The following MON2 variants were observed in gnomAD, a reference collection of about 807,000 sequenced individuals.
MON2 encodes MON2 regulator of endosome-to-Golgi trafficking.
MON2 carries 84 observed loss-of-function variants against 208.6 expected under a neutral mutation model. The observed-to-expected ratio is 0.40, with a 90% CI of 0.34 to 0.48. The LOEUF (loss-of-function observed/expected upper bound fraction) is 0.48. Among genes scored for constraint, MON2 ranks in the 20% least tolerant of loss-of-function variants. The pLI is 0.59. For synonymous variants in MON2, 660 were observed against 694.0 expected (o/e 0.95, Z 0.77); for missense variants, 1,611 against 2,015.4 (o/e 0.80, Z 3.84).
intron 8 of MON2, among the ~76,000 whole-genome samples, chr12:62,510,671 C>T (rs1027017744): frequency 6.6e-6 from 1 of 152,076 alleles, no homozygotes; most frequent in African/African-American, 2.4e-5. Context: ...GAGACAATAA[C>T]TAATAACTAA....
chr12:62,532,118 TC>T (rs1337779234), intron 11 of MON2, among the ~76,000 whole-genome samples: 10 of 152,186 alleles, frequency 6.6e-5, no homozygotes, highest in Admixed American at 5.2e-4. Flanking sequence ...AAGTTTTATC[TC>T]ATTGTATTTT....
At chr12:62,591,895 T>C (rs1351769496) in intron 34 of MON2, among the ~76,000 whole-genome samples, 2 of 152,222 alleles carry the variant, frequency 1.3e-5, no homozygotes, top group African/African-American at 2.4e-5. Flanking sequence ...AAAAAAATCT[T>C]GCATATTGGG....
At chr12:62,544,432 TGAGA>T (rs1292286906) in intron 20 of MON2, among the ~76,000 whole-genome samples, 1 of 152,060 alleles carries the variant, frequency 6.6e-6, no homozygotes, top group East Asian at 1.9e-4. Flanking sequence ...AGTAACAAAG[TGAGA>T]GACTGTGTCT....
At chr12:62,547,383 A>G (rs1191933813) in intron 22 of MON2, among the ~76,000 whole-genome samples, 4 of 152,194 alleles carry the variant, frequency 2.6e-5, no homozygotes, top group Non-Finnish European at 5.9e-5. Context: ...ACTTGAAACA[A>G]TTAACAAATT....
chr12:62,470,761 G>C, intron 1 of MON2: 2 of 1,106,022 alleles, frequency 1.8e-6, no homozygotes, highest in Non-Finnish European at 2.2e-6. Flanking sequence ...ATTCCTAGCA[G>C]AGGAAATAGC....
Position 62,587,069 on chromosome 12 carries a change from C to T in MON2, c.4908-1005C>T, listed in dbSNP as rs147729021. Among the ~76,000 whole-genome samples, 56 of 152,154 alleles carry T rather than the reference C, an allele frequency of 3.7e-4. No homozygotes were observed. In the East Asian group the frequency reaches 9.7e-3, roughly 26 times the overall value. ...TCTGCAGAATAACACAAATGCACAC[C>T]AGGAATGGGGAGGGATGAGGGCGGA... On this transcript the variant is annotated intron_variant, in intron 33 of 34. Transcript: ENST00000393630.
chr12:62,588,966 G>T (rs2075306970), intron 34 of MON2: 1 of 1,163,174 alleles, frequency 8.6e-7, no homozygotes, highest in Non-Finnish European at 1.2e-6. Flanking sequence ...ATGTGTACTT[G>T]TCTCGAAGCA....
Position 62,467,029 on chromosome 12 carries a change from T to C in MON2, c.-179T>C. 2 of 461,126 alleles carry C rather than the reference T, an allele frequency of 4.3e-6. No individual in the cohort carries two copies. Among genetic ancestry groups the C allele is most frequent in the Non-Finnish European group, 3.8e-6 (1 of 265,072 alleles). The allele number at this position is 461,126 out of a possible 1,614,324, so 28.6% of individuals were successfully genotyped here. Reference sequence around the variant, plus strand: ...GGGCGCCTCCGAGAAAAGCCAGAGGTGTTGCGGGGAAGCTGCTGGGGGACG... The same window carrying C: ...GGGCGCCTCCGAGAAAAGCCAGAGGCGTTGCGGGGAAGCTGCTGGGGGACG... On this transcript the variant is annotated 5_prime_UTR_variant, in exon 1 of 35. Transcript: ENST00000393630.
chr12:62,523,209 A>G (rs376085118), intron 8 of MON2, among the ~76,000 whole-genome samples: 1 of 152,206 alleles, frequency 6.6e-6, no homozygotes, highest in East Asian at 1.9e-4. Flanking sequence ...TTCTTCCTCT[A>G]AAGAGGTGTC....
chr12:62,500,336 G>T (rs1382620610), intron 5 of MON2, among the ~76,000 whole-genome samples: 3 of 152,184 alleles, frequency 2.0e-5, no homozygotes. Flanking sequence ...TAGCTGGTGA[G>T]TATCTGTAAC....
chr12:62,588,741 C>G, intron 34 of MON2: 1 of 560,158 alleles, frequency 1.8e-6, no homozygotes, highest in Non-Finnish European at 3.0e-6. Flanking sequence ...CAGTCTGACT[C>G]CATTCTAGTC....
intron 9 of MON2, 31 bp downstream of exon 9, chr12:62,524,670 A>T (rs1474272922): frequency 6.2e-7 from 1 of 1,604,188 alleles, no homozygotes; most frequent in South Asian, 1.1e-5. Flanking sequence ...TGTTAAATAG[A>T]TAGGTTAATG....
intron 11 of MON2, among the ~76,000 whole-genome samples, chr12:62,529,983 T>A (rs918016759): frequency 2.4e-4 from 36 of 152,340 alleles, no homozygotes; most frequent in African/African-American, 8.4e-4. Flanking sequence ...CTTTTCTTTA[T>A]GGTGGGAACA....
Position 62,570,869 on chromosome 12 carries a change from C to G in MON2, c.4324-523C>G, listed in dbSNP as rs536220253. Among the ~76,000 whole-genome samples the G allele has an allele frequency of 2.1e-4, 31 of 150,892 alleles. No homozygotes were observed. In the East Asian group the frequency reaches 5.3e-3, roughly 26 times the overall value. ...GCCTCAGCCTCCTGAGTAGCTGGGA[C>G]TATAGGCACGTGCCACCACACCCAG... On this transcript the variant is annotated intron_variant, in intron 29 of 34. Transcript: ENST00000393630.
intron 6 of MON2, 33 bp from the exon 7 acceptor site, chr12:62,501,540 T>A (rs1411079510): frequency 1.2e-6 from 2 of 1,607,866 alleles, no homozygotes; most frequent in African/African-American, 2.7e-5. Flanking sequence ...CATTTAATTC[T>A]AGCATGTGAA....
chr12:62,528,863 T>C (rs370547538), intron 11 of MON2, among the ~76,000 whole-genome samples: 1 of 152,228 alleles, frequency 6.6e-6, no homozygotes, highest in Non-Finnish European at 1.5e-5. Flanking sequence ...TGTTTTTCAC[T>C]TTCCTTTTAT....
chr12:62,545,404 G>T (rs1384135270), intron 21 of MON2, among the ~76,000 whole-genome samples: 1 of 151,466 alleles, frequency 6.6e-6, no homozygotes, highest in Non-Finnish European at 1.5e-5. Context: ...CAATGAAATA[G>T]ATTTTTTATT....
Position 62,578,502 on chromosome 12 carries a change from C to A in MON2, c.4572C>A (p.Val1524=). The change falls in exon 31 of 35, where the codon GTC becomes GTA. Residue 1524 remains valine, a synonymous_variant. Transcript: ENST00000393630. ...QEFQRNENID[V]EVVQLISNEI... ...TTCAAAGAAATGAAAATATTGATGT[C>A]GAGGTAAGGAGGCTATTTAAAATGT... The A allele has an allele frequency of 6.7e-7, 1 of 1,493,432 alleles. No individual in the cohort carries two copies. Among genetic ancestry groups the A allele is most frequent in the Admixed American group, 2.0e-5 (1 of 51,176 alleles). The allele number at this position is 1,493,432 out of a possible 1,614,324, so 92.5% of individuals were successfully genotyped here. A position where few individuals can be genotyped will look rare whatever the true frequency, so the allele number is the denominator to read the frequency against.
rs115762695 is a variant in MON2, at chr12:62,540,449, T to C, written c.2364+1944T>C. ...AACTAGTGTGATTGGAGATGTATATTGAAAGATTGGTAGGATTTAGGTAGG... is the reference window on the plus strand; with the variant it reads ...AACTAGTGTGATTGGAGATGTATATCGAAAGATTGGTAGGATTTAGGTAGG... On this transcript the variant is annotated intron_variant, in intron 19 of 34. Coordinates refer to ENST00000393630, the MANE Select transcript of MON2 (RefSeq NM_015026.3). 9.0e-4 allele frequency among the ~76,000 whole-genome samples: 137 copies of C among 152,298 alleles called. 1 individual carries two copies. Among genetic ancestry groups the C allele is most frequent in the African/African-American group, 3.1e-3 (130 of 41,584 alleles).
Sources: allele counts gnomAD v4.1 joint callset (sites outside exome capture counted in the v4.1 genomes callset), GRCh38; gene constraint gnomAD v4.1.1; transcripts MANE v1.5; gene names NCBI Gene and HGNC (gene_info 2026-07-23, HGNC 2026-07-21).